THSD7B: variants seen among roughly 807,000 people sequenced by gnomAD.
The protein encoded by THSD7B is thrombospondin type 1 domain containing 7B, also known as thrombospondin type-1 domain-containing protein 7B.
In THSD7B, 138 loss-of-function variants were observed where a neutral mutation model predicts 213.6. That is an observed-to-expected ratio of 0.65 (90% CI 0.56 to 0.74). The LOEUF is 0.74. Ranked by LOEUF, THSD7B falls within the 30% of genes least tolerant of loss-of-function variation. The pLI, the probability that THSD7B is intolerant of heterozygous loss-of-function variation, is 0.00. For synonymous variants in THSD7B, 742 were observed against 687.0 expected (o/e 1.08, Z -1.25); for missense variants, 1,931 against 1,991.5 (o/e 0.97, Z 0.58).
At chr2:136,917,484 G>C (rs932219177) in intron 2 of THSD7B, among the ~76,000 whole-genome samples, 1 of 152,162 alleles carries the variant, frequency 6.6e-6, no homozygotes, top group Admixed American at 6.5e-5. Flanking sequence ...TCAGCTGGGG[G>C]TGGGGTGGAA....
intron 17 of THSD7B, among the ~76,000 whole-genome samples, chr2:137,589,739 G>A (rs910347163): frequency 6.6e-6 from 1 of 152,126 alleles, no homozygotes; most frequent in Non-Finnish European, 1.5e-5. Flanking sequence ...GTACATGCAA[G>A]CGTGTAGAAT....
intron 1 of THSD7B, among the ~76,000 whole-genome samples, chr2:136,872,317 C>T (rs1223347245): frequency 2.2e-5 from 3 of 137,452 alleles, no homozygotes; most frequent in East Asian, 2.2e-4. Flanking sequence ...CAGGCTCTGG[C>T]GACTCCAGGT....
At chr2:136,824,652 G>A (rs1474368753) in intron 1 of THSD7B, among the ~76,000 whole-genome samples, 1 of 152,126 alleles carries the variant, frequency 6.6e-6, no homozygotes, top group East Asian at 1.9e-4. Context: ...GCTAAGGGTG[G>A]ATGTGGAAAC....
chr2:136,874,356 A>G (rs1683491021), intron 1 of THSD7B, among the ~76,000 whole-genome samples: 1 of 152,164 alleles, frequency 6.6e-6, no homozygotes, highest in African/African-American at 2.4e-5. Flanking sequence ...TGTATACAGC[A>G]ACGTATGGTA....
intron 7 of THSD7B, among the ~76,000 whole-genome samples, chr2:137,221,261 T>C (rs1681363895): frequency 6.6e-6 from 1 of 152,064 alleles, no homozygotes; most frequent in African/African-American, 2.4e-5. Flanking sequence ...CACTCCAGCC[T>C]GGGTGACAGA....
chr2:137,099,280 C>T (rs1470546268), intron 4 of THSD7B, among the ~76,000 whole-genome samples: 1 of 152,104 alleles, frequency 6.6e-6, no homozygotes, highest in African/African-American at 2.4e-5. Context: ...GGCACTTGGG[C>T]ACTTTCCTTT....
intron 17 of THSD7B, among the ~76,000 whole-genome samples, chr2:137,576,240 G>A (rs1027661855): frequency 2.6e-5 from 4 of 152,060 alleles, no homozygotes; most frequent in African/African-American, 9.7e-5. Flanking sequence ...GATATTGATA[G>A]GACAAGTGTA....
rs560707787 is a variant in THSD7B at position 137,354,099 on chromosome 2, A to C, written c.2501-51514A>C. Among the ~76,000 whole-genome samples the C allele has an allele frequency of 3.3e-5, 5 of 152,030 alleles. No homozygotes were observed. In the East Asian group the frequency reaches 9.8e-4, roughly 30 times the overall value. ...TCCCTCCCCTCTGCTTGAAATGATA[A>C]CTATGTATATAACTCCACTAAAATA... On this transcript the variant is annotated intron_variant, in intron 12 of 27. Coordinates refer to ENST00000409968, the MANE Select transcript of THSD7B (RefSeq NM_001316349.2).
intron 12 of THSD7B, among the ~76,000 whole-genome samples, chr2:137,392,413 A>G (rs1223877231): frequency 6.6e-6 from 1 of 152,128 alleles, no homozygotes; most frequent in African/African-American, 2.4e-5. Context: ...TATTTATTTT[A>G]TGAATCTGGG....
intron 14 of THSD7B, among the ~76,000 whole-genome samples, chr2:137,440,652 A>C (rs921574152): frequency 6.6e-6 from 1 of 152,054 alleles, no homozygotes; most frequent in African/African-American, 2.4e-5. Context: ...CTGCATTTTC[A>C]AGGGAAGTCA....
At chr2:137,229,916 A>AT (rs941954086) in intron 7 of THSD7B, among the ~76,000 whole-genome samples, 2 of 152,094 alleles carry the variant, frequency 1.3e-5, no homozygotes, top group Non-Finnish European at 2.9e-5. Flanking sequence ...CTTCGCGTTT[A>AT]TTTTTTTGTT....
At chr2:136,873,028 A>T (rs1428925889) in intron 1 of THSD7B, among the ~76,000 whole-genome samples, 13 of 148,732 alleles carry the variant, frequency 8.7e-5, no homozygotes, top group Admixed American at 6.7e-5. Context: ...ATCTAAAAAA[A>T]AAAAAAAAAA....
intron 17 of THSD7B, among the ~76,000 whole-genome samples, chr2:137,575,210 A>C (rs1366887602): frequency 6.6e-6 from 1 of 152,044 alleles, no homozygotes; most frequent in African/African-American, 2.4e-5. Flanking sequence ...ATTAGATATA[A>C]TATGTATAAA....
At chr2:137,456,867 G>A (rs532609320) in intron 15 of THSD7B, among the ~76,000 whole-genome samples, 1 of 152,246 alleles carries the variant, frequency 6.6e-6, no homozygotes, top group East Asian at 1.9e-4. Context: ...TAATCCCAAA[G>A]CCCAGGCATA....
chr2:137,449,406 C>G (rs576565706), intron 14 of THSD7B, among the ~76,000 whole-genome samples: 1 of 152,280 alleles, frequency 6.6e-6, no homozygotes, highest in Admixed American at 6.5e-5. Flanking sequence ...TCAAAACAAC[C>G]TTTATTATCT....
At chr2:136,968,476 A>G (rs891256968) in intron 2 of THSD7B, among the ~76,000 whole-genome samples, 1 of 151,976 alleles carries the variant, frequency 6.6e-6, no homozygotes, top group African/African-American at 2.4e-5. Flanking sequence ...TTTATTTCTT[A>G]TAGATTTATA....
At chr2:137,379,317 C>T (rs144629183) in intron 12 of THSD7B, among the ~76,000 whole-genome samples, 9 of 152,302 alleles carry the variant, frequency 5.9e-5, no homozygotes, top group African/African-American at 2.2e-4. Flanking sequence ...CTCCTGCAGC[C>T]ACGCAGCTTT....
At chr2:137,399,629 TC>T (rs1193798365) in intron 12 of THSD7B, among the ~76,000 whole-genome samples, 4 of 152,188 alleles carry the variant, frequency 2.6e-5, no homozygotes, top group Admixed American at 2.6e-4. Context: ...AAAATTCTTT[TC>T]TTCTTTTTGA....
chr2:136,905,426 C>T lies in THSD7B; in HGVS notation c.139+23109C>T, dbSNP rs538952394. Among the ~76,000 whole-genome samples, 4 of 152,166 alleles carry T rather than the reference C, an allele frequency of 2.6e-5. No homozygotes were observed. In the South Asian group the frequency reaches 6.2e-4, roughly 24 times the overall value. ...GTATGTCAAAAGCATTATGAGAAGA[C>T]GAAGACAAAGGTTTTGTGAGAAATA... On this transcript the variant is annotated intron_variant, in intron 2 of 27. Transcript: ENST00000409968.
Sources: gnomAD v4.1 joint callset for allele counts (sites outside exome capture counted in the v4.1 genomes callset) on GRCh38, gnomAD v4.1.1 for gene constraint, MANE v1.5 for transcripts, NCBI Gene and HGNC (gene_info 2026-07-23, HGNC 2026-07-21) for gene names.